KALRN: variants seen among roughly 807,000 people sequenced by gnomAD.
KALRN encodes the protein kalirin RhoGEF kinase.
In KALRN, 70 loss-of-function variants were observed where a neutral mutation model predicts 353.7. The observed-to-expected ratio is 0.20, with a 90% CI of 0.16 to 0.24. KALRN has a LOEUF of 0.24. KALRN is among the 10% of genes least tolerant of loss of function. The probability of loss-of-function intolerance (pLI) is 1.00; values close to 1 mark genes in which losing one functional copy is unlikely to be tolerated. For synonymous variants in KALRN, 1,391 were observed against 1,434.8 expected (o/e 0.97, Z 0.69); for missense variants, 2,791 against 3,756.7 (o/e 0.74, Z 6.72).
chr3:124,279,387 T>A (rs1048108936), intron 5 of KALRN, among the ~76,000 whole-genome samples: 3 of 152,178 alleles, frequency 2.0e-5, no homozygotes, highest in Admixed American at 6.5e-5. Flanking sequence ...AAATGGTAGA[T>A]TTGTAGAGAT....
intron 6 of KALRN, among the ~76,000 whole-genome samples, chr3:124,324,160 A>T (rs527290629): frequency 2.6e-5 from 4 of 152,284 alleles, no homozygotes; most frequent in African/African-American, 7.2e-5. Flanking sequence ...AACTTAACAC[A>T]TCCTTTATTC....
At chr3:124,653,843 G>A (rs1473746602) in intron 38 of KALRN, among the ~76,000 whole-genome samples, 1 of 152,182 alleles carries the variant, frequency 6.6e-6, no homozygotes, top group Non-Finnish European at 1.5e-5. Context: ...CAGTTCATTT[G>A]GCAATTAATT....
chr3:124,161,594 C>T (rs4678090), intron 1 of KALRN, among the ~76,000 whole-genome samples: 41,236 of 152,062 alleles, frequency 0.27, 6,127 homozygotes, highest in East Asian at 0.47. Context: ...TGTGAATCTT[C>T]TGTGGCCTCC....
chr3:124,371,364 C>T (rs1187789834), intron 10 of KALRN, among the ~76,000 whole-genome samples: 3 of 152,156 alleles, frequency 2.0e-5, no homozygotes, highest in African/African-American at 4.8e-5. Context: ...GTTCATATCT[C>T]GACTACTGTG....
At chr3:124,221,100 C>T (rs1259003113) in intron 1 of KALRN, among the ~76,000 whole-genome samples, 14 of 152,196 alleles carry the variant, frequency 9.2e-5, no homozygotes. Flanking sequence ...GGGAGTCAGA[C>T]CACAGAGCCC....
intron 59 of KALRN, 59 bp from the exon 60 acceptor site, chr3:124,718,866 A>C: frequency 6.9e-7 from 1 of 1,454,610 alleles, no homozygotes; most frequent in Non-Finnish European, 9.6e-7. Context: ...TATTTTGAGT[A>C]GTCAAAATAG....
intron 13 of KALRN, 113 bp downstream of exon 13, chr3:124,398,984 AT>A: frequency 8.9e-7 from 1 of 1,121,362 alleles, no homozygotes. Context: ...TCCAGCATGC[AT>A]TTTTAGAACC....
At chr3:124,374,003 G>A (rs190787979) in intron 10 of KALRN, among the ~76,000 whole-genome samples, 3 of 152,324 alleles carry the variant, frequency 2.0e-5, no homozygotes, top group African/African-American at 7.2e-5. Flanking sequence ...CCCAGGGCAA[G>A]TAGCAGTATG....
chr3:124,450,088 G>T (rs35387561), intron 21 of KALRN, among the ~76,000 whole-genome samples: 72 of 152,282 alleles, frequency 4.7e-4, no homozygotes, highest in South Asian at 8.3e-4. Context: ...GTTATATGGA[G>T]TTCTACTATG....
intron 34 of KALRN, among the ~76,000 whole-genome samples, chr3:124,602,326 G>A (rs2076892476): frequency 6.6e-6 from 1 of 152,128 alleles, no homozygotes; most frequent in Non-Finnish European, 1.5e-5. Context: ...TCCACTGAGT[G>A]AAATATTTCT....
chr3:124,620,903 A>G (rs333311), intron 34 of KALRN, among the ~76,000 whole-genome samples: 44,121 of 152,118 alleles, frequency 0.29, 7,759 homozygotes, highest in East Asian at 0.59. Flanking sequence ...TCTGCTTCCA[A>G]TGCCATCCTA....
intron 15 of KALRN, among the ~76,000 whole-genome samples, chr3:124,425,004 G>A (rs2092951747): frequency 6.6e-6 from 1 of 152,126 alleles, no homozygotes; most frequent in South Asian, 2.1e-4. Flanking sequence ...AGAAATAGAA[G>A]CCCTCCAACA....
At chr3:124,582,521 T>C (rs957759687) in intron 34 of KALRN, among the ~76,000 whole-genome samples, 17 of 152,164 alleles carry the variant, frequency 1.1e-4, no homozygotes, top group African/African-American at 3.9e-4. Context: ...TTTTTAGAGC[T>C]TTTCTTTAGA....
chr3:124,055,413 C>G (rs953642079), intron 1 of KALRN, among the ~76,000 whole-genome samples: 1 of 152,216 alleles, frequency 6.6e-6, no homozygotes, highest in Non-Finnish European at 1.5e-5. Context: ...AATTTCTTCT[C>G]TCTACCCTGG....
Position 124,195,905 on chromosome 3 carries a change from T to C in KALRN, c.74-32085T>C, listed in dbSNP as rs1229200047. Among the ~76,000 whole-genome samples, 2 of 152,218 alleles carry C rather than the reference T, an allele frequency of 1.3e-5. 1 individual carries two copies. The highest frequency in any genetic ancestry group is 6.3e-3 in the Middle Eastern group (2 of 316). On this transcript the variant is annotated intron_variant, in intron 1 of 59. Transcript: ENST00000682506. ...TTTGGTTCTTGTCAAAAGCGCTCTT[T>C]TGCTTTGGGAGAAGGAAGAAATTCA...
chr3:124,443,114 C>T (rs1263005267), intron 19 of KALRN, among the ~76,000 whole-genome samples: 1 of 152,208 alleles, frequency 6.6e-6, no homozygotes, highest in African/African-American at 2.4e-5. Flanking sequence ...TCTACATAAT[C>T]TTTAATATCT....
chr3:124,526,772 A>G (rs1275737668), intron 33 of KALRN, among the ~76,000 whole-genome samples: 1 of 152,186 alleles, frequency 6.6e-6, no homozygotes, highest in Non-Finnish European at 1.5e-5. Flanking sequence ...ATCAGAGACT[A>G]TAGAAATGGC....
At chr3:124,236,848 G>C (rs12634417) in intron 3 of KALRN, among the ~76,000 whole-genome samples, 30 of 152,300 alleles carry the variant, frequency 2.0e-4, no homozygotes, top group African/African-American at 6.0e-4. Context: ...CTGCTTCTCA[G>C]GGGGTGGTCA....
intron 18 of KALRN, among the ~76,000 whole-genome samples, 163 bp downstream of exon 18, chr3:124,439,200 T>TCACACACACACACACACACACACACA (rs376221553): frequency 5.5e-4 from 54 of 98,964 alleles, no homozygotes; most frequent in African/African-American, 1.8e-3. Context: ...TCTCTCTCTC[T>TCACACACACACACACACACACACACA]CACACACACA....
Sources: allele counts gnomAD v4.1 joint callset (sites outside exome capture counted in the v4.1 genomes callset), GRCh38; gene constraint gnomAD v4.1.1; transcripts MANE v1.5; gene names NCBI Gene and HGNC (gene_info 2026-07-23, HGNC 2026-07-21).